The following FRAS1 variants were observed in gnomAD, a reference collection of about 807,000 sequenced individuals.
The protein encoded by FRAS1 is Fraser extracellular matrix complex subunit 1, also known as extracellular matrix organizing protein FRAS1.
A neutral mutation model predicts 435.2 loss-of-function variants in FRAS1; 290 were observed. The observed-to-expected ratio is 0.67, with a 90% CI of 0.61 to 0.73. The LOEUF (loss-of-function observed/expected upper bound fraction) is 0.73, where lower values mean the gene tolerates loss of function less well. Ranked by LOEUF, FRAS1 falls within the 30% of genes least tolerant of loss-of-function variation. FRAS1 has a pLI of 0.00. For synonymous variants in FRAS1, 1,800 were observed against 1,851.0 expected (o/e 0.97, Z 0.71); for missense variants, 4,860 against 5,001.5 (o/e 0.97, Z 0.85).
chr4:78,191,562 T>G (rs995128124), intron 2 of FRAS1, among the ~76,000 whole-genome samples: 4 of 151,930 alleles, frequency 2.6e-5, no homozygotes, highest in African/African-American at 7.3e-5. Flanking sequence ...TTATTATACT[T>G]TAAGTTTTAG....
In FRAS1 at chr4:78,380,059, A is replaced by C. The variant is rs1013811320; in HGVS notation, c.3563+63A>C. 246 of 1,542,210 alleles carry C rather than the reference A, an allele frequency of 1.6e-4. No homozygotes were observed. In the East Asian group the frequency reaches 1.9e-3, roughly 12 times the overall value. ...TCCATCATTGCTTTTCCACTCCTCCACCCTGTCCCAGCCTCTCTGTCTCAA... is the reference window on the plus strand; with the variant it reads ...TCCATCATTGCTTTTCCACTCCTCCCCCCTGTCCCAGCCTCTCTGTCTCAA... On this transcript the variant is annotated intron_variant, in intron 27 of 73. Coordinates refer to ENST00000512123, the MANE Select transcript of FRAS1 (RefSeq NM_025074.7).
intron 26 of FRAS1, among the ~76,000 whole-genome samples, chr4:78,377,205 G>A (rs539294761): frequency 6.6e-6 from 1 of 152,134 alleles, no homozygotes; most frequent in African/African-American, 2.4e-5. Flanking sequence ...AAAACATGAG[G>A]CATTTTTTAA....
chr4:78,483,398 A>T (rs2109860724), intron 58 of FRAS1, among the ~76,000 whole-genome samples: 1 of 152,180 alleles, frequency 6.6e-6, no homozygotes, highest in Middle Eastern at 3.4e-3. Flanking sequence ...AATTGTCAGA[A>T]CTTCAGAATC....
chr4:78,514,736 C>A (rs1721150902), intron 65 of FRAS1, among the ~76,000 whole-genome samples: 1 of 152,278 alleles, frequency 6.6e-6, no homozygotes, highest in Non-Finnish European at 1.5e-5. Flanking sequence ...TATTTATCAA[C>A]CCTTTTAAAA....
At chr4:78,272,250 A>G (rs563686343) in intron 9 of FRAS1, among the ~76,000 whole-genome samples, 2 of 152,154 alleles carry the variant, frequency 1.3e-5, no homozygotes, top group Non-Finnish European at 2.9e-5. Flanking sequence ...ATTTTCTCTC[A>G]TTCTGTAGGT....
intron 33 of FRAS1, 98 bp from the exon 34 acceptor site, chr4:78,421,765 A>T: frequency 7.4e-7 from 1 of 1,358,818 alleles, no homozygotes. Context: ...GAAGAATGTC[A>T]GACTCCCACC....
At chr4:78,520,300 C>G (rs3762843) in intron 67 of FRAS1, among the ~76,000 whole-genome samples, 49,080 of 149,692 alleles carry the variant, frequency 0.33, 8,706 homozygotes, top group South Asian at 0.52. Context: ...ACTTCACACA[C>G]TACCCCTAAC....
chr4:78,385,778 G>A lies in FRAS1; in HGVS notation c.3649-1597G>A, dbSNP rs142486350. ...TGGACACCTGTAATCCCAGCTACTCGGGAGGCTGAGGCAGGAGACTCGCTT... is the reference window on the plus strand; with the variant it reads ...TGGACACCTGTAATCCCAGCTACTCAGGAGGCTGAGGCAGGAGACTCGCTT... On this transcript the variant is annotated intron_variant, in intron 28 of 73. Transcript: ENST00000512123. Among the ~76,000 whole-genome samples, 741 of 151,890 alleles carry A rather than the reference G, an allele frequency of 4.9e-3. 5 individuals are homozygous for A. Among genetic ancestry groups the A allele is most frequent in the African/African-American group, 0.018 (725 of 41,392 alleles).
intron 29 of FRAS1, among the ~76,000 whole-genome samples, chr4:78,391,566 T>C (rs982448508): frequency 5.9e-5 from 9 of 152,224 alleles, no homozygotes; most frequent in Non-Finnish European, 1.2e-4. Flanking sequence ...GTCTTCTTTT[T>C]CATTAATTAA....
intron 2 of FRAS1, among the ~76,000 whole-genome samples, chr4:78,223,647 CAGACAATGGT>C (rs1293804019): frequency 1.3e-5 from 2 of 152,118 alleles, no homozygotes; most frequent in Admixed American, 6.5e-5. Flanking sequence ...TGAGCCTGCA[CAGACAATGGT>C]AATCTTTCCC....
intron 2 of FRAS1, among the ~76,000 whole-genome samples, chr4:78,088,003 T>C (rs984865611): frequency 2.0e-5 from 3 of 152,206 alleles, no homozygotes; most frequent in Non-Finnish European, 4.4e-5. Flanking sequence ...TCTGGAGGCA[T>C]CACACTACCT....
intron 2 of FRAS1, among the ~76,000 whole-genome samples, chr4:78,227,350 C>A (rs981864917): frequency 6.6e-6 from 1 of 152,176 alleles, no homozygotes; most frequent in Admixed American, 6.5e-5. Context: ...GACCCCTATT[C>A]ATTAAATGCT....
At chr4:78,210,788 T>G (rs143578948) in intron 2 of FRAS1, among the ~76,000 whole-genome samples, 1 of 152,324 alleles carries the variant, frequency 6.6e-6, no homozygotes, top group African/African-American at 2.4e-5. Flanking sequence ...AGGGGAATTG[T>G]AGGTGTTGGA....
At chr4:78,460,067 G>A (rs987563036) in intron 47 of FRAS1, among the ~76,000 whole-genome samples, 1 of 152,180 alleles carries the variant, frequency 6.6e-6, no homozygotes, top group African/African-American at 2.4e-5. Flanking sequence ...CAAAAATCCT[G>A]AAGCAAGAAG....
chr4:78,507,559 T>C lies in FRAS1; in HGVS notation c.9455T>C (p.Ile3152Thr), dbSNP rs1280591633. Reference protein sequence around the residue: ...LGDVTTATVTILDQEAAGSLI... With the variant: ...LGDVTTATVTTLDQEAAGSLI... ...GATGTGACTACTGCCACGGTGACAA[T>C]TCTAGACCAGGAGGCAGCAGGGAGC... Residue 3152 changes from isoleucine (I) to threonine (T), a missense_variant, in exon 62 of 74, where the codon ATT becomes ACT. Ile to Thr is a moderately conservative substitution (Grantham distance 89). Transcript: ENST00000512123. 3 of 1,610,000 alleles carry C rather than the reference T, an allele frequency of 1.9e-6. No individual in the cohort carries two copies. The highest frequency in any genetic ancestry group is 2.5e-6 in the Non-Finnish European group (3 of 1,178,462).
intron 29 of FRAS1, among the ~76,000 whole-genome samples, chr4:78,391,932 G>A (rs1732460602): frequency 6.6e-6 from 1 of 152,168 alleles, no homozygotes; most frequent in Admixed American, 6.5e-5. Flanking sequence ...TTTCTTATGA[G>A]TAAGAGCCTA....
chr4:78,186,291 G>A (rs376513811), intron 2 of FRAS1, among the ~76,000 whole-genome samples: 23 of 151,996 alleles, frequency 1.5e-4, no homozygotes, highest in African/African-American at 5.3e-4. Context: ...ACCTTGATAG[G>A]AGCCTGGGCC....
intron 29 of FRAS1, among the ~76,000 whole-genome samples, 156 bp from the exon 30 acceptor site, chr4:78,400,578 C>T (rs1266201863): frequency 6.6e-6 from 1 of 151,704 alleles, no homozygotes; most frequent in African/African-American, 2.4e-5. Context: ...CATGTCTACA[C>T]ATAATACAAA....
intron 2 of FRAS1, among the ~76,000 whole-genome samples, chr4:78,117,004 G>T (rs1052932503): frequency 6.6e-6 from 1 of 152,286 alleles, no homozygotes; most frequent in Non-Finnish European, 1.5e-5. Context: ...CTTCCTTCAG[G>T]AGTTCTTTTA....
Sources: allele counts gnomAD v4.1 joint callset (sites outside exome capture counted in the v4.1 genomes callset), GRCh38; gene constraint gnomAD v4.1.1; transcripts MANE v1.5; gene names NCBI Gene and HGNC (gene_info 2026-07-23, HGNC 2026-07-21).